Variants in NETO2 observed in about 807,000 individuals in gnomAD.
NETO2 encodes the protein neuropilin and tolloid like 2.
A neutral mutation model predicts 62.5 loss-of-function variants in NETO2; 28 were observed. That is an observed-to-expected ratio of 0.45 (90% CI 0.33 to 0.61). The LOEUF is 0.61. NETO2 is among the 20% of genes least tolerant of loss of function. The probability of loss-of-function intolerance (pLI) is 0.02; values close to 1 mark genes in which losing one functional copy is unlikely to be tolerated. For missense variants in NETO2, 548 were observed against 643.2 expected (o/e 0.85, Z 1.60); for synonymous variants, 214 against 219.1 (o/e 0.98, Z 0.21).
intron 7 of NETO2, among the ~76,000 whole-genome samples, chr16:47,089,269 G>A (rs1453715999): frequency 4.6e-5 from 7 of 152,166 alleles, no homozygotes; most frequent in Non-Finnish European, 1.0e-4. Flanking sequence ...AACTGTGAAG[G>A]AACTTGGGAA....
chr16:47,095,894 G>A (rs1258822906), intron 7 of NETO2, among the ~76,000 whole-genome samples: 1 of 152,036 alleles, frequency 6.6e-6, no homozygotes, highest in African/African-American at 2.4e-5. Context: ...CTCTAGAATA[G>A]ACTACGTATG....
At chr16:47,097,521 A>G (rs1963452499) in intron 7 of NETO2, among the ~76,000 whole-genome samples, 1 of 152,238 alleles carries the variant, frequency 6.6e-6, no homozygotes, top group African/African-American at 2.4e-5. Context: ...CAGCAGTCCC[A>G]GTCAGGGGCT....
chr16:47,108,326 C>T (rs923799954), intron 7 of NETO2, among the ~76,000 whole-genome samples: 4 of 152,080 alleles, frequency 2.6e-5, no homozygotes, highest in African/African-American at 9.7e-5. Context: ...AAGATATTGG[C>T]ATAGTCTCAA....
chr16:47,087,344 T>C (rs1414359380), intron 7 of NETO2, among the ~76,000 whole-genome samples: 2 of 152,136 alleles, frequency 1.3e-5, no homozygotes, highest in Non-Finnish European at 2.9e-5. Flanking sequence ...ATATTAATTA[T>C]TGTATGAGAA....
chr16:47,122,646 C>G lies in NETO2; in HGVS notation c.654+11G>C, dbSNP rs373050733. 1.9e-6 allele frequency: 3 copies of G among 1,611,246 alleles called. No homozygotes were observed. The highest frequency in any genetic ancestry group is 2.5e-6 in the Non-Finnish European group (3 of 1,179,350). On this transcript the variant is annotated intron_variant, in intron 6 of 8. Transcript: ENST00000562435. Reference sequence around the variant, plus strand: ...TGTTCTTCTCTGAAGCGACTCAATACATAATAATACCTTAGCTTTTGGAGT... The same window carrying G: ...TGTTCTTCTCTGAAGCGACTCAATAGATAATAATACCTTAGCTTTTGGAGT...
At chr16:47,093,591 G>T (rs939172817) in intron 7 of NETO2, among the ~76,000 whole-genome samples, 4 of 152,140 alleles carry the variant, frequency 2.6e-5, no homozygotes, top group Non-Finnish European at 2.9e-5. Flanking sequence ...AAATGCCAAA[G>T]AAATGCATGG....
chr16:47,085,159 A>G (rs1197822392), intron 8 of NETO2, among the ~76,000 whole-genome samples: 2 of 152,268 alleles, frequency 1.3e-5, no homozygotes, highest in African/African-American at 4.8e-5. Flanking sequence ...CACTGGGAAT[A>G]CAGCATAGGA....
intron 1 of NETO2, among the ~76,000 whole-genome samples, chr16:47,139,321 G>A (rs147767228): frequency 8.6e-4 from 131 of 152,212 alleles, no homozygotes; most frequent in African/African-American, 2.8e-3. Context: ...TTTTAAATGC[G>A]AGCACAAATC....
chr16:47,105,358 T>TA (rs1963651944), intron 7 of NETO2, among the ~76,000 whole-genome samples: 1 of 152,154 alleles, frequency 6.6e-6, no homozygotes, highest in African/African-American at 2.4e-5. Flanking sequence ...ATCAAAGACT[T>TA]AAATGTATTA....
chr16:47,134,102 G>GGA (rs756178240), intron 1 of NETO2, among the ~76,000 whole-genome samples: 3 of 152,174 alleles, frequency 2.0e-5, no homozygotes, highest in Non-Finnish European at 4.4e-5. Context: ...TGGAGGCACT[G>GGA]GAGTCTGCTA....
At chr16:47,087,751 C>T (rs1963225360) in intron 7 of NETO2, among the ~76,000 whole-genome samples, 2 of 152,098 alleles carry the variant, frequency 1.3e-5, no homozygotes, top group African/African-American at 4.8e-5. Flanking sequence ...CCTTCTTTCT[C>T]TTTGTGGCGG....
chr16:47,102,760 T>C (rs1963583230), intron 7 of NETO2, among the ~76,000 whole-genome samples: 1 of 152,128 alleles, frequency 6.6e-6, no homozygotes, highest in African/African-American at 2.4e-5. Flanking sequence ...TCACACCAGT[T>C]AGAATGGCTA....
In NETO2 at chr16:47,083,002, G is replaced by A. The variant is rs973390097; in HGVS notation, c.*219C>T. 1 of 470,842 alleles carries A rather than the reference G, an allele frequency of 2.1e-6. No individual in the cohort carries two copies. Among genetic ancestry groups the A allele is most frequent in the African/African-American group, 1.9e-5 (1 of 51,320 alleles). 29.2% of individuals were successfully genotyped at this position (470,842 alleles called of 1,614,324 possible). On this transcript the variant is annotated 3_prime_UTR_variant, in exon 9 of 9. Transcript: ENST00000562435. Reference sequence around the variant, plus strand: ...CCTATAAATGACACCAAGCAATAGAGATGATTATTGTTTCCACTGAATAGA... The same window carrying A: ...CCTATAAATGACACCAAGCAATAGAAATGATTATTGTTTCCACTGAATAGA...
intron 6 of NETO2, among the ~76,000 whole-genome samples, chr16:47,119,212 C>T (rs1322258220): frequency 2.0e-5 from 3 of 149,316 alleles, no homozygotes; most frequent in African/African-American, 7.4e-5. Context: ...AGTGCAGTGG[C>T]GTGATCTCAG....
In NETO2 at chr16:47,087,601, G is replaced by A. The variant is rs923147813; in HGVS notation, c.884-1262C>T. Reference sequence around the variant, plus strand: ...TAAAATGGCTAAAATAATAAATTTTGTTATGTATATTTTACCCATAATAAA... The same window carrying A: ...TAAAATGGCTAAAATAATAAATTTTATTATGTATATTTTACCCATAATAAA... On this transcript the variant is annotated intron_variant, in intron 7 of 8. Coordinates refer to ENST00000562435, the MANE Select transcript of NETO2 (RefSeq NM_018092.5). Among the ~76,000 whole-genome samples the A allele has an allele frequency of 2.6e-5, 4 of 151,976 alleles. No individual in the cohort carries two copies. The East Asian group carries it at 7.7e-4, about 29-fold the overall frequency.
At chr16:47,125,449 G>A (rs1964136954) in intron 4 of NETO2, among the ~76,000 whole-genome samples, 1 of 151,534 alleles carries the variant, frequency 6.6e-6, no homozygotes, top group Non-Finnish European at 1.5e-5. Context: ...AGGTTCAAGC[G>A]ATTCTCCTGC....
intron 7 of NETO2, among the ~76,000 whole-genome samples, chr16:47,098,545 C>T (rs1032080806): frequency 1.3e-5 from 2 of 152,150 alleles, no homozygotes; most frequent in Non-Finnish European, 2.9e-5. Context: ...ACCAAACCTA[C>T]GTTTGACTGG....
At chr16:47,136,254 A>C (rs1470698676) in intron 1 of NETO2, among the ~76,000 whole-genome samples, 2 of 152,222 alleles carry the variant, frequency 1.3e-5, no homozygotes, top group Non-Finnish European at 2.9e-5. Context: ...TGATCTGTTA[A>C]ATACATGCAG....
intron 6 of NETO2, among the ~76,000 whole-genome samples, chr16:47,121,299 T>A (rs957488528): frequency 5.9e-5 from 9 of 152,148 alleles, no homozygotes; most frequent in Non-Finnish European, 1.3e-4. Context: ...TTTTAGAATC[T>A]GCGGGCTGTG....
Sources: gnomAD v4.1 joint callset for allele counts (sites outside exome capture counted in the v4.1 genomes callset) on GRCh38, gnomAD v4.1.1 for gene constraint, MANE v1.5 for transcripts, NCBI Gene and HGNC (gene_info 2026-07-23, HGNC 2026-07-21) for gene names.